ARHGAP8: variants seen among roughly 807,000 people sequenced by gnomAD.
The protein encoded by ARHGAP8 is rho GTPase-activating protein 8.
Under a neutral mutation model 46.1 loss-of-function variants are expected in ARHGAP8, and 62 were observed. The observed-to-expected ratio is 1.34, with a 90% CI of 1.10 to 1.66. The LOEUF is 1.66. ARHGAP8 is among the 40% of genes most tolerant of loss of function. ARHGAP8 has a pLI of 0.00. For synonymous variants in ARHGAP8, 375 were observed against 243.1 expected (o/e 1.54, Z -5.05); for missense variants, 923 against 568.4 (o/e 1.62, Z -6.34).
chr22:44,861,856 G>A (rs578213542), intron 11 of ARHGAP8, among the ~76,000 whole-genome samples: 40 of 152,114 alleles, frequency 2.6e-4, no homozygotes, highest in Non-Finnish European at 3.7e-4. Context: ...CACTCTCCCT[G>A]CCCCTCGTAG....
Position 44,862,346 on chromosome 22 carries a change from C to T in ARHGAP8, c.1053C>T (p.Ile351=). Residue 351 remains isoleucine (I), a synonymous_variant, in exon 12 of 12, where the codon ATC becomes ATT. Coordinates refer to ENST00000356099, the MANE Select transcript of ARHGAP8 (RefSeq NM_181335.3). ...NLACVFGLNL[I]WPSQGVSSLS... is the part of the protein sequence containing the mutation. Reference sequence around the variant, plus strand: ...CCTGTGTCTTCGGGCTGAATTTGATCTGGCCATCCCAGGGGGTCTCCTCCC... The same window carrying T: ...CCTGTGTCTTCGGGCTGAATTTGATTTGGCCATCCCAGGGGGTCTCCTCCC... 2 of 1,614,080 alleles carry T rather than the reference C, an allele frequency of 1.2e-6. No individual in the cohort carries two copies. The highest frequency in any genetic ancestry group is 1.7e-6 in the Non-Finnish European group (2 of 1,179,948).
intron 1 of ARHGAP8, among the ~76,000 whole-genome samples, chr22:44,767,432 A>G (rs1925659853): frequency 6.6e-6 from 1 of 152,170 alleles, no homozygotes; most frequent in Non-Finnish European, 1.5e-5. Flanking sequence ...CTGAACAGAA[A>G]GATATTCTCC....
At chr22:44,818,709 T>C (rs1317753342) in intron 5 of ARHGAP8, among the ~76,000 whole-genome samples, 12 of 151,662 alleles carry the variant, frequency 7.9e-5, no homozygotes, top group Admixed American at 7.9e-4. Context: ...CCTTTTCTCT[T>C]TTTTTTTCAT....
intron 7 of ARHGAP8, among the ~76,000 whole-genome samples, chr22:44,838,019 G>T (rs1602246902): frequency 6.6e-6 from 1 of 152,064 alleles, no homozygotes; most frequent in Non-Finnish European, 1.5e-5. Context: ...TGTCTCCTAG[G>T]CTGGAGTGCA....
chr22:44,783,051 G>C (rs11704232), intron 1 of ARHGAP8, among the ~76,000 whole-genome samples: 55 of 148,992 alleles, frequency 3.7e-4, no homozygotes, highest in African/African-American at 5.7e-4. Context: ...CGATACACAC[G>C]CTCCCCTCCC....
intron 7 of ARHGAP8, among the ~76,000 whole-genome samples, chr22:44,839,271 C>T (rs146619544): frequency 1.4e-4 from 22 of 152,308 alleles, no homozygotes; most frequent in Admixed American, 3.9e-4. Context: ...CTGAAGGTCA[C>T]GCCAGCCCTC....
chr22:44,803,643 A>C (rs57764209), intron 3 of ARHGAP8, among the ~76,000 whole-genome samples: 1 of 42,300 alleles, frequency 2.4e-5, no homozygotes, highest in Non-Finnish European at 4.2e-5. Context: ...ACCACCTCCC[A>C]TGCACACACC....
chr22:44,844,832 TGA>T (rs1459730593), intron 7 of ARHGAP8, among the ~76,000 whole-genome samples: 1 of 152,204 alleles, frequency 6.6e-6, no homozygotes, highest in Non-Finnish European at 1.5e-5. Context: ...GATAACATAC[TGA>T]GTTTTTTAAT....
intron 1 of ARHGAP8, among the ~76,000 whole-genome samples, chr22:44,764,868 GA>G (rs1447645111): frequency 6.6e-6 from 1 of 152,234 alleles, no homozygotes; most frequent in African/African-American, 2.4e-5. Flanking sequence ...AGGACTGAGA[GA>G]GGGGAGAGGG....
intron 10 of ARHGAP8, among the ~76,000 whole-genome samples, chr22:44,854,594 G>A (rs1355818629): frequency 6.6e-6 from 1 of 151,842 alleles, no homozygotes; most frequent in Non-Finnish European, 1.5e-5. Context: ...ATGTATGCTT[G>A]GATTATACTT....
intron 8 of ARHGAP8, among the ~76,000 whole-genome samples, chr22:44,845,834 A>C (rs1003778863): frequency 6.6e-6 from 1 of 152,184 alleles, no homozygotes; most frequent in Non-Finnish European, 1.5e-5. Context: ...ACTGAGGTCC[A>C]TGGAGAAGGT....
At chr22:44,847,887 T>C in intron 8 of ARHGAP8, 86 bp from the exon 9 acceptor site, 1 of 1,535,292 alleles carries the variant, frequency 6.5e-7, no homozygotes, top group Non-Finnish European at 8.8e-7. Context: ...AGGTGGGTGA[T>C]GCCGTGGGCA....
rs141465862 is a variant in ARHGAP8, at chr22:44,758,319, G to C, written c.-72+5692G>C. The stretch of plus-strand genomic sequence containing the variant: ...CACCTGTAAACCCAGCTACTCGGGA[G>C]GCTGAGGCAGGAGAATCGCTTGAAT... On this transcript the variant is annotated intron_variant, in intron 1 of 11. Coordinates refer to ENST00000356099, the MANE Select transcript of ARHGAP8 (RefSeq NM_181335.3). Among the ~76,000 whole-genome samples the C allele has an allele frequency of 4.1e-3, 620 of 152,272 alleles. 9 individuals are homozygous for C. Among genetic ancestry groups the C allele is most frequent in the African/African-American group, 0.015 (608 of 41,558 alleles).
intron 3 of ARHGAP8, among the ~76,000 whole-genome samples, chr22:44,803,374 T>C (rs756529298): frequency 1.1e-4 from 16 of 152,110 alleles, no homozygotes; most frequent in Non-Finnish European, 2.1e-4. Context: ...CAAACTAACT[T>C]GGGCAAGGAA....
At chr22:44,802,681 G>A (rs1281205263) in intron 3 of ARHGAP8, among the ~76,000 whole-genome samples, 1 of 152,128 alleles carries the variant, frequency 6.6e-6, no homozygotes, top group Non-Finnish European at 1.5e-5. Flanking sequence ...CAAGGCAGCG[G>A]CAGGGCTACA....
intron 7 of ARHGAP8, among the ~76,000 whole-genome samples, chr22:44,837,017 T>C (rs1012142611): frequency 2.0e-5 from 3 of 152,254 alleles, no homozygotes; most frequent in Admixed American, 1.3e-4. Flanking sequence ...CCTGAGTAGC[T>C]GGGACTACAG....
intron 1 of ARHGAP8, among the ~76,000 whole-genome samples, chr22:44,764,560 G>T (rs556384503): frequency 1.1e-4 from 16 of 152,332 alleles, no homozygotes; most frequent in East Asian, 5.8e-4. Flanking sequence ...TGCTGGAGCC[G>T]AGAGACCTGG....
At chr22:44,783,376 C>T (rs1322047501) in intron 1 of ARHGAP8, among the ~76,000 whole-genome samples, 1 of 152,066 alleles carries the variant, frequency 6.6e-6, no homozygotes, top group Non-Finnish European at 1.5e-5. Flanking sequence ...CCACTCAGGG[C>T]CAGCACCAGC....
intron 7 of ARHGAP8, among the ~76,000 whole-genome samples, chr22:44,831,525 C>T (rs1844391851): frequency 6.6e-6 from 1 of 151,940 alleles, no homozygotes; most frequent in African/African-American, 2.4e-5. Context: ...GTGAAACACC[C>T]ATCTCTACTA....
Sources: gnomAD v4.1 joint callset for allele counts (sites outside exome capture counted in the v4.1 genomes callset) on GRCh38, gnomAD v4.1.1 for gene constraint, MANE v1.5 for transcripts, NCBI Gene and HGNC (gene_info 2026-07-23, HGNC 2026-07-21) for gene names.